Variants in KCNH8 observed in about 807,000 individuals in gnomAD.
KCNH8 encodes the protein voltage-gated delayed rectifier potassium channel KCNH8.
In KCNH8, 70 loss-of-function variants were observed where a neutral mutation model predicts 103.6. The observed-to-expected ratio is 0.68, with a 90% CI of 0.56 to 0.82. The LOEUF is 0.82. Ranked by LOEUF, KCNH8 falls within the 40% of genes least tolerant of loss-of-function variation. KCNH8 has a pLI of 0.00. For synonymous variants in KCNH8, 498 were observed against 489.4 expected (o/e 1.02, Z -0.23); for missense variants, 1,217 against 1,329.9 (o/e 0.92, Z 1.32).
At chr3:19,174,073 C>T (rs777212062) in intron 1 of KCNH8, among the ~76,000 whole-genome samples, 7 of 151,700 alleles carry the variant, frequency 4.6e-5, no homozygotes, top group East Asian at 1.9e-4. Flanking sequence ...CACTCTACAC[C>T]GCTTGATTCT....
At chr3:19,412,498 TA>T (rs1339669990) in intron 7 of KCNH8, among the ~76,000 whole-genome samples, 7 of 151,866 alleles carry the variant, frequency 4.6e-5, no homozygotes, top group Admixed American at 2.0e-4. Context: ...AATTTATAAC[TA>T]AATAGTCAAA....
Position 19,196,053 on chromosome 3 carries a change from T to C in KCNH8, c.76+47258T>C, listed in dbSNP as rs180680074. On this transcript the variant is annotated intron_variant, in intron 1 of 15. Transcript: ENST00000328405. ...ATAGCCCAAGTTAGTTTATTTTTCT[T>C]ATAAGAAAGTACTCTGTCTGAAACT... Among the ~76,000 whole-genome samples, 754 of 152,118 alleles carry C rather than the reference T, an allele frequency of 5.0e-3. 5 individuals are homozygous for C. The highest frequency in any genetic ancestry group is 0.016 in the African/African-American group (668 of 41,528).
At chr3:19,378,143 C>G (rs978930370) in intron 5 of KCNH8, among the ~76,000 whole-genome samples, 1 of 152,102 alleles carries the variant, frequency 6.6e-6, no homozygotes, top group Non-Finnish European at 1.5e-5. Flanking sequence ...TAATGTCACT[C>G]TGTTTTTCTT....
chr3:19,288,379 C>T (rs1001975713), intron 3 of KCNH8, among the ~76,000 whole-genome samples: 5 of 151,658 alleles, frequency 3.3e-5, no homozygotes, highest in South Asian at 2.1e-4. Context: ...TCCCTCCCCC[C>T]GTCCCCACAC....
At chr3:19,503,996 A>G (rs187154512) in intron 11 of KCNH8, among the ~76,000 whole-genome samples, 96 of 152,278 alleles carry the variant, frequency 6.3e-4, no homozygotes, top group Non-Finnish European at 6.0e-4. Flanking sequence ...AAAGAGACAC[A>G]TAAGTCAATG....
At chr3:19,413,921 A>T (rs1390083036) in intron 7 of KCNH8, among the ~76,000 whole-genome samples, 2 of 152,130 alleles carry the variant, frequency 1.3e-5, no homozygotes, top group East Asian at 3.8e-4. Flanking sequence ...AGTAAAAGTT[A>T]AGTGTCAACC....
At chr3:19,455,107 A>G (rs1161104800) in intron 10 of KCNH8, among the ~76,000 whole-genome samples, 1 of 152,150 alleles carries the variant, frequency 6.6e-6, no homozygotes. Flanking sequence ...CTGTCCAACC[A>G]TAAACTTGTT....
intron 11 of KCNH8, among the ~76,000 whole-genome samples, chr3:19,489,644 A>G (rs1014239584): frequency 3.9e-5 from 6 of 152,052 alleles, no homozygotes; most frequent in African/African-American, 1.4e-4. Context: ...AAATTTTTCA[A>G]CATAGTTCCT....
At chr3:19,507,529 T>G (rs1260637704) in intron 11 of KCNH8, among the ~76,000 whole-genome samples, 1 of 152,038 alleles carries the variant, frequency 6.6e-6, no homozygotes, top group East Asian at 1.9e-4. Flanking sequence ...CCACAGCGAT[T>G]AGGGCAGTAC....
chr3:19,151,555 G>A (rs986408396), intron 1 of KCNH8, among the ~76,000 whole-genome samples: 2 of 151,810 alleles, frequency 1.3e-5, no homozygotes, highest in Admixed American at 6.6e-5. Context: ...TTTTATTGGA[G>A]AATAATAAAA....
intron 15 of KCNH8, among the ~76,000 whole-genome samples, chr3:19,525,641 T>C (rs955783589): frequency 1.3e-5 from 2 of 152,076 alleles, no homozygotes; most frequent in Non-Finnish European, 2.9e-5. Flanking sequence ...AACGAAGCTA[T>C]TGAATCACTT....
At chr3:19,468,698 T>A (rs534523801) in intron 11 of KCNH8, among the ~76,000 whole-genome samples, 4 of 152,340 alleles carry the variant, frequency 2.6e-5, no homozygotes, top group African/African-American at 9.6e-5. Flanking sequence ...ATTTTCTACA[T>A]CTAATTTCCA....
At position 19,533,638 on chromosome 3, in the gene KCNH8, A is replaced by C; in HGVS notation, c.2863A>C (p.Thr955Pro). 6.2e-7 allele frequency: 1 copy of C among 1,614,086 alleles called. No homozygotes were observed. The highest frequency in any genetic ancestry group is 8.5e-7 in the Non-Finnish European group (1 of 1,179,992). Residue 955 changes from threonine to proline, a missense_variant, in exon 16 of 16, where the codon ACC becomes CCC. By Grantham distance (38) the Thr-to-Pro change is conservative. This residue lies in a region of KCNH8 where 558 missense variants were observed against 495.8 expected (regional missense o/e 1.13). Transcript: ENST00000328405. ...AGCACAACTTTGTAGCAGTAATATC[A>C]CCTCAGACATTTGGAGTGTGGATCC... ...TQAQLCSSNI[T>P]SDIWSVDPSS...
intron 8 of KCNH8, chr3:19,448,989 C>G: frequency 7.8e-7 from 1 of 1,284,120 alleles, no homozygotes; most frequent in Non-Finnish European, 1.0e-6. Flanking sequence ...GAAACCATTT[C>G]GGTTTCATTC....
chr3:19,217,052 T>G (rs1175789815), intron 1 of KCNH8, among the ~76,000 whole-genome samples: 1 of 152,220 alleles, frequency 6.6e-6, no homozygotes, highest in African/African-American at 2.4e-5. Flanking sequence ...GATAGCAAGA[T>G]GCACCTCGTG....
At chr3:19,526,600 C>A (rs2069069042) in intron 15 of KCNH8, among the ~76,000 whole-genome samples, 3 of 151,916 alleles carry the variant, frequency 2.0e-5, no homozygotes, top group Admixed American at 1.3e-4. Flanking sequence ...ACTGTGGACA[C>A]TGACAACGCA....
chr3:19,398,012 T>A (rs2066549921), intron 7 of KCNH8, among the ~76,000 whole-genome samples: 1 of 152,080 alleles, frequency 6.6e-6, no homozygotes, highest in Non-Finnish European at 1.5e-5. Flanking sequence ...CCAATTATCA[T>A]GAATCCAAAA....
intron 7 of KCNH8, among the ~76,000 whole-genome samples, chr3:19,398,495 G>A (rs975682499): frequency 2.0e-5 from 3 of 151,916 alleles, no homozygotes; most frequent in Non-Finnish European, 4.4e-5. Context: ...AGGCAATGAG[G>A]CCAAAGAGGT....
At chr3:19,267,997 C>G (rs984268247) in intron 2 of KCNH8, among the ~76,000 whole-genome samples, 1 of 152,110 alleles carries the variant, frequency 6.6e-6, no homozygotes, top group Non-Finnish European at 1.5e-5. Context: ...CTCTTGTAAC[C>G]AATAGTATTA....
Sources: gnomAD v4.1 joint callset for allele counts (sites outside exome capture counted in the v4.1 genomes callset) on GRCh38, gnomAD v4.1.1 for gene constraint, gnomAD v4.1.1 regional missense constraint, MANE v1.5 for transcripts, NCBI Gene and HGNC (gene_info 2026-07-23, HGNC 2026-07-21) for gene names.